PCCB: variants seen among roughly 807,000 people sequenced by gnomAD.
PCCB encodes the protein propionyl-CoA carboxylase beta chain, mitochondrial.
Under a neutral mutation model 60.7 loss-of-function variants are expected in PCCB, and 43 were observed. That is an observed-to-expected ratio of 0.71 (90% confidence interval 0.55 to 0.91). The LOEUF (loss-of-function observed/expected upper bound fraction) is 0.91. PCCB is among the 40% of genes least tolerant of loss of function. PCCB has a pLI of 0.00. For synonymous variants in PCCB, 276 were observed against 255.9 expected, an observed-to-expected ratio of 1.08 and a Z score of -0.75; for missense variants, 766 against 702.8, an observed-to-expected ratio of 1.09 and a Z score of -1.02.
At chr3:136,256,386 T>C in intron 2 of PCCB, 169 bp from the exon 3 acceptor site, 2 of 664,144 alleles carry the variant, frequency 3.0e-6, no homozygotes. Flanking sequence ...GCCCTGTGCT[T>C]GCTGTTGTAG....
intron 3 of PCCB, among the ~76,000 whole-genome samples, chr3:136,256,903 G>A (rs1941685257): frequency 1.3e-5 from 2 of 152,160 alleles, no homozygotes; most frequent in Admixed American, 6.5e-5. Context: ...CTCTTAGCTG[G>A]GTTGGGTGTG....
chr3:136,280,890 G>T (rs1024222543), intron 5 of PCCB, among the ~76,000 whole-genome samples: 2 of 152,178 alleles, frequency 1.3e-5, no homozygotes, highest in African/African-American at 4.8e-5. Context: ...TTGGCCTCAA[G>T]TGGTCCTCCT....
At chr3:136,286,948 T>G (rs1933438935) in intron 6 of PCCB, among the ~76,000 whole-genome samples, 1 of 151,792 alleles carries the variant, frequency 6.6e-6, no homozygotes, top group Admixed American at 6.6e-5. Flanking sequence ...GGAGAATCGC[T>G]TCAACCTGAG....
chr3:136,264,440 G>GTGTATGTATATATATA, intron 5 of PCCB, among the ~76,000 whole-genome samples: 1 of 123,782 alleles, frequency 8.1e-6, no homozygotes. Context: ...ATGTGTGTGT[G>GTGTATGTATATATATA]TATATATGTA....
At chr3:136,327,050 G>A (rs570108238) in intron 11 of PCCB, 105 bp from the exon 12 acceptor site, 14 of 1,193,174 alleles carry the variant, frequency 1.2e-5, no homozygotes, top group East Asian at 1.2e-4. Flanking sequence ...ATAGGGCTGT[G>A]TAAGGAATGG....
At position 136,262,066 on chromosome 3, in the gene PCCB, G is replaced by A. The variant is rs2108146835; in HGVS notation, c.543+1G>A. 1 of 1,526,762 alleles carries A rather than the reference G, an allele frequency of 6.5e-7. No homozygotes were observed. Among genetic ancestry groups the A allele is most frequent in the African/African-American group, 1.4e-5 (1 of 72,844 alleles). The allele number at this position is 1,526,762 out of a possible 1,614,324, so 94.6% of individuals were successfully genotyped here. On this transcript the variant is annotated splice_donor_variant, in intron 5 of 14. Coordinates refer to ENST00000251654, the MANE Select transcript of PCCB (RefSeq NM_000532.5). LOFTEE classifies it high-confidence loss of function. ...GGCTGGCTATGCAGACATCTTTCTG[G>A]TGAGAAACCTGTTAATAGAGAATAA...
intron 8 of PCCB, among the ~76,000 whole-genome samples, chr3:136,299,736 G>C (rs1350327444): frequency 6.8e-6 from 1 of 146,704 alleles, no homozygotes; most frequent in Non-Finnish European, 1.5e-5. Context: ...ATATGCATGT[G>C]TATGTATAGG....
chr3:136,302,573 TA>T (rs1184980089), intron 9 of PCCB, among the ~76,000 whole-genome samples: 1 of 119,800 alleles, frequency 8.3e-6, no homozygotes, highest in African/African-American at 2.5e-5. Flanking sequence ...TTTATTTTAT[TA>T]TTATTATACT....
intron 1 of PCCB, among the ~76,000 whole-genome samples, chr3:136,251,614 A>G (rs1559992836): frequency 6.6e-6 from 1 of 152,160 alleles, no homozygotes; most frequent in Non-Finnish European, 1.5e-5. Flanking sequence ...TTGTGGTGCT[A>G]GGAGTGCTTT....
chr3:136,257,034 T>C (rs1398006761), intron 3 of PCCB, among the ~76,000 whole-genome samples: 2 of 152,206 alleles, frequency 1.3e-5, no homozygotes, highest in African/African-American at 2.4e-5. Flanking sequence ...TGGGCTTTCA[T>C]GAATATGTTC....
At chr3:136,262,698 G>T (rs1941859068) in intron 5 of PCCB, among the ~76,000 whole-genome samples, 1 of 152,164 alleles carries the variant, frequency 6.6e-6, no homozygotes, top group South Asian at 2.1e-4. Flanking sequence ...ACAGAAACTG[G>T]CAACATTTCC....
At position 136,261,951 on chromosome 3, in the gene PCCB, G is replaced by C; in HGVS notation, c.430-1G>C. Reference sequence around the variant, plus strand: ...AATAAAAGATTTCTCTGCTGTCTCAGATCATGGACCAGGCCATAACGGTGG... The same window carrying C: ...AATAAAAGATTTCTCTGCTGTCTCACATCATGGACCAGGCCATAACGGTGG... On this transcript the variant is annotated splice_acceptor_variant, in intron 4 of 14. Coordinates refer to ENST00000251654, the MANE Select transcript of PCCB (RefSeq NM_000532.5). LOFTEE classifies it high-confidence loss of function. 1 of 1,541,574 alleles carries C rather than the reference G, an allele frequency of 6.5e-7. No homozygotes were observed. Among genetic ancestry groups the C allele is most frequent in the East Asian group, 2.4e-5 (1 of 41,688 alleles).
Position 136,317,059 on chromosome 3 carries a change from C to T in PCCB, c.1085C>T (p.Ala362Val). 6.2e-7 allele frequency: 1 copy of T among 1,613,922 alleles called. No homozygotes were observed. Among genetic ancestry groups the T allele is most frequent in the South Asian group, 1.1e-5 (1 of 91,060 alleles). ...VGIVGNQPKV[A>V]SGCLDINSSV... is the part of the protein sequence containing the mutation. ...ATTGTTGGCAACCAACCTAAGGTGGCCTCAGGTAGGATGGAGCTCTTATAA... is the reference window on the plus strand; with the variant it reads ...ATTGTTGGCAACCAACCTAAGGTGGTCTCAGGTAGGATGGAGCTCTTATAA... Residue 362 changes from alanine to valine, a missense_variant, in exon 10 of 15, where the codon GCC (alanine) becomes GTC (valine). Physicochemically the swap from Ala to Val is moderately conservative, Grantham distance 64 (BLOSUM62 0). Transcript: ENST00000251654.
chr3:136,316,867 G>A (rs906384594), intron 9 of PCCB, 74 bp from the exon 10 acceptor site: 4 of 1,524,724 alleles, frequency 2.6e-6, no homozygotes, highest in South Asian at 1.1e-5. Flanking sequence ...TAATAGAAAT[G>A]TCATTCTGTA....
At chr3:136,251,048 G>C (rs1941502201) in intron 1 of PCCB, among the ~76,000 whole-genome samples, 1 of 152,186 alleles carries the variant, frequency 6.6e-6, no homozygotes, top group African/African-American at 2.4e-5. Context: ...GGATGTGCGC[G>C]TGCAGGAACT....
chr3:136,250,700 C>G (rs527592486), intron 1 of PCCB, 142 bp downstream of exon 1: 58 of 807,394 alleles, frequency 7.2e-5, no homozygotes, highest in Middle Eastern at 7.5e-4. Context: ...ACCTTGAAAA[C>G]CTGTAGCGTT....
chr3:136,316,134 C>T (rs1236335859), intron 9 of PCCB, among the ~76,000 whole-genome samples: 1 of 150,144 alleles, frequency 6.7e-6, no homozygotes, highest in Non-Finnish European at 1.5e-5. Flanking sequence ...TGGGGAAGAT[C>T]ACTTGAGCCC....
At chr3:136,311,285 CTT>C (rs1356222020) in intron 9 of PCCB, among the ~76,000 whole-genome samples, 1 of 152,144 alleles carries the variant, frequency 6.6e-6, no homozygotes, top group Admixed American at 6.5e-5. Context: ...AAAAGCCTCT[CTT>C]ACATAGCAAC....
In PCCB at chr3:136,316,996, T is replaced by C. The variant is rs757258397; in HGVS notation, c.1022T>C (p.Ile341Thr). The C allele has an allele frequency of 6.8e-6, 11 of 1,613,962 alleles. No individual in the cohort carries two copies. In the Admixed American group the frequency reaches 1.7e-4, roughly 24 times the overall value. ...ATGCCCAATTATGCCAAGAACATCATTGTTGGTTTTGCAAGAATGAATGGG... is the reference window on the plus strand; with the variant it reads ...ATGCCCAATTATGCCAAGAACATCACTGTTGGTTTTGCAAGAATGAATGGG... ...EIMPNYAKNI[I>T]VGFARMNGRT... The change falls in exon 10 of 15, where the codon ATT (isoleucine) becomes ACT (threonine). Residue 341 changes from isoleucine to threonine, a missense_variant. Ile to Thr is a moderately conservative substitution (Grantham distance 89, BLOSUM62 -1). Transcript: ENST00000251654.
Sources: gnomAD v4.1 joint callset for allele counts (sites outside exome capture counted in the v4.1 genomes callset) on GRCh38, gnomAD v4.1.1 for gene constraint, MANE v1.5 for transcripts, NCBI Gene and HGNC (gene_info 2026-07-23, HGNC 2026-07-21) for gene names.